PCDHA6: variants seen among roughly 807,000 people sequenced by gnomAD.
PCDHA6 encodes protocadherin alpha-6.
In PCDHA6, 55 loss-of-function variants were observed where a neutral mutation model predicts 60.3. The ratio of observed to expected loss-of-function variants is 0.91; its 90% CI spans 0.73 to 1.14. The LOEUF (loss-of-function observed/expected upper bound fraction) is 1.14, where lower values mean the gene tolerates loss of function less well. Among genes scored for constraint, PCDHA6 ranks in the 50% most tolerant of loss-of-function variants. The pLI, the probability that PCDHA6 is intolerant of heterozygous loss-of-function variation, is 0.00. For missense variants in PCDHA6, 1,327 were observed against 1,256.5 expected, an observed-to-expected ratio of 1.06 and a Z score of -0.85; for synonymous variants, 652 against 557.9, an observed-to-expected ratio of 1.17 and a Z score of -2.38.
intron 1 of PCDHA6, chr5:140,883,858 G>C (rs2059854560): frequency 6.2e-7 from 1 of 1,613,142 alleles, no homozygotes; most frequent in Middle Eastern, 1.8e-4. Context: ...AGCTGGAGCT[G>C]TTGCAGTTCC....
intron 1 of PCDHA6, chr5:140,858,148 C>A: frequency 6.3e-7 from 1 of 1,597,640 alleles, no homozygotes; most frequent in Non-Finnish European, 8.6e-7. Context: ...ACCTGATCAT[C>A]GCCATCTGCG....
At chr5:140,850,631 T>A (rs2150491599) in intron 1 of PCDHA6, 1 of 1,598,518 alleles carries the variant, frequency 6.3e-7, no homozygotes, top group South Asian at 1.1e-5. Flanking sequence ...GCCTGTTGGT[T>A]CTCACGCTGC....
intron 3 of PCDHA6, chr5:140,988,797 AT>A (rs1481469131): frequency 2.0e-5 from 3 of 152,116 alleles, no homozygotes; most frequent in African/African-American, 7.2e-5. Context: ...TAATAGAAGA[AT>A]TTCTTCCGTA....
intron 1 of PCDHA6, among the ~76,000 whole-genome samples, chr5:140,906,486 A>G (rs2072686991): frequency 6.6e-6 from 1 of 152,270 alleles, no homozygotes; most frequent in South Asian, 2.1e-4. Context: ...GTATAAATGC[A>G]CAAACATGTT....
intron 1 of PCDHA6, among the ~76,000 whole-genome samples, chr5:140,973,232 G>GA (rs2096577680): frequency 6.6e-6 from 1 of 152,196 alleles, no homozygotes; most frequent in African/African-American, 2.4e-5. Flanking sequence ...ATAGTGACCT[G>GA]AAAGAGTTAA....
chr5:140,862,911 G>A (rs781861917), intron 1 of PCDHA6: 3 of 549,326 alleles, frequency 5.5e-6, no homozygotes, highest in Admixed American at 3.9e-5. Context: ...CGCTGCTGGC[G>A]CCTTGGGTGG....
At chr5:140,843,005 G>T in intron 1 of PCDHA6, 1 of 1,595,030 alleles carries the variant, frequency 6.3e-7, no homozygotes, top group East Asian at 2.2e-5. Flanking sequence ...GAATGACAAC[G>T]CGCCGGCACT....
chr5:140,955,986 C>A (rs2095245113), intron 1 of PCDHA6, among the ~76,000 whole-genome samples: 1 of 152,124 alleles, frequency 6.6e-6, no homozygotes, highest in Non-Finnish European at 1.5e-5. Flanking sequence ...GCAATTTTTG[C>A]ACATTGATTT....
intron 1 of PCDHA6, chr5:140,875,919 C>G: frequency 2.5e-6 from 4 of 1,614,168 alleles, no homozygotes; most frequent in Non-Finnish European, 3.4e-6. Flanking sequence ...CGCCTCTGGA[C>G]TCTCATTTTC....
intron 1 of PCDHA6, chr5:140,850,770 T>A: frequency 6.3e-7 from 1 of 1,598,038 alleles, no homozygotes; most frequent in Non-Finnish European, 8.6e-7. Context: ...GCAGAGGGTG[T>A]GCTCTGGCGA....
intron 1 of PCDHA6, chr5:140,862,954 T>C (rs781926222): frequency 1.5e-5 from 8 of 542,620 alleles, no homozygotes; most frequent in Non-Finnish European, 2.2e-5. Flanking sequence ...TGGTGCGGTA[T>C]TCAGTGGATG....
chr5:140,961,255 C>G (rs1446798989), intron 1 of PCDHA6, among the ~76,000 whole-genome samples: 1 of 152,164 alleles, frequency 6.6e-6, no homozygotes, highest in African/African-American at 2.4e-5. Context: ...TCCGAAGCTC[C>G]AGGAAGCTTC....
intron 1 of PCDHA6, chr5:140,930,355 C>G (rs1044171600): frequency 6.6e-6 from 1 of 151,448 alleles, no homozygotes; most frequent in Non-Finnish European, 1.5e-5. Context: ...TCAAATATTT[C>G]AATTTATCTG....
intron 1 of PCDHA6, among the ~76,000 whole-genome samples, chr5:140,972,289 G>A (rs548610825): frequency 1.5e-3 from 229 of 151,134 alleles, no homozygotes; most frequent in Non-Finnish European, 2.1e-3. Flanking sequence ...ATAGATGTGC[G>A]CCACCGTGTC....
At chr5:140,840,995 T>C (rs1776967728) in intron 1 of PCDHA6, among the ~76,000 whole-genome samples, 1 of 152,016 alleles carries the variant, frequency 6.6e-6, no homozygotes. Context: ...CTGAAACTAA[T>C]GTAAGGAGCC....
chr5:140,828,840 G>C lies in PCDHA6; in HGVS notation c.749G>C (p.Arg250Thr). 6.2e-7 allele frequency: 1 copy of C among 1,614,210 alleles called. No homozygotes were observed. Among genetic ancestry groups the C allele is most frequent in the Non-Finnish European group, 8.5e-7 (1 of 1,180,044 alleles). ...TTCGAACAGTCTGAATACGAAGTAAGAATATTCGAAAATGCAGACAACGGA... is the reference window on the plus strand; with the variant it reads ...TTCGAACAGTCTGAATACGAAGTAACAATATTCGAAAATGCAGACAACGGA... ...PTFEQSEYEV[R>T]IFENADNGTT... The change falls in exon 1 of 4, where the codon AGA (arginine) becomes ACA (threonine). Residue 250 changes from arginine to threonine, a missense_variant. Coordinates refer to ENST00000529310, the MANE Select transcript of PCDHA6 (RefSeq NM_018909.4).
Position 140,828,383 on chromosome 5 carries a change from C to A in PCDHA6, c.292C>A (p.Arg98=). Residue 98 remains arginine (R), a synonymous_variant, in exon 1 of 4, where the codon CGG becomes AGG. Coordinates refer to ENST00000529310, the MANE Select transcript of PCDHA6 (RefSeq NM_018909.4). ...GATCGACCGCGAGGAGCTGTGCGGG[C>A]GGAGCGCGGAGTGCAGCATCCACCT... is the stretch of plus-strand genomic sequence containing the variant. ...SRIDREELCG[R]SAECSIHLEV... is the part of the protein sequence containing the mutation. 6.2e-7 allele frequency: 1 copy of A among 1,614,256 alleles called. No individual in the cohort carries two copies. Among genetic ancestry groups the A allele is most frequent in the South Asian group, 1.1e-5 (1 of 91,086 alleles).
chr5:140,940,790 A>G (rs1337945408), intron 1 of PCDHA6, among the ~76,000 whole-genome samples: 3 of 152,176 alleles, frequency 2.0e-5, no homozygotes, highest in African/African-American at 7.2e-5. Context: ...TATCCTGAAA[A>G]TGATATTTGC....
intron 1 of PCDHA6, chr5:140,884,792 G>T: frequency 7.6e-7 from 1 of 1,312,776 alleles, no homozygotes; most frequent in Non-Finnish European, 1.0e-6. Context: ...AGTTGTTATC[G>T]AATTTAACAA....
Sources: gnomAD v4.1 joint callset for allele counts (sites outside exome capture counted in the v4.1 genomes callset) on GRCh38, gnomAD v4.1.1 for gene constraint, MANE v1.5 for transcripts, NCBI Gene and HGNC (gene_info 2026-07-23, HGNC 2026-07-21) for gene names.